The following DNAH12 variants were observed in gnomAD, a reference collection of about 807,000 sequenced individuals.
The protein encoded by DNAH12 is axonemal beta dynein heavy chain 12.
A neutral mutation model predicts 371.5 loss-of-function variants in DNAH12; 285 were observed. The observed-to-expected ratio is 0.77, with a 90% confidence interval of 0.70 to 0.85. DNAH12 has a LOEUF of 0.85. DNAH12 is among the 40% of genes least tolerant of loss of function. The pLI is 0.00. For synonymous variants in DNAH12, 1,200 were observed against 1,213.0 expected, an observed-to-expected ratio of 0.99 and a Z score of 0.22; for missense variants, 3,611 against 3,689.4, an observed-to-expected ratio of 0.98 and a Z score of 0.55.
chr3:57,318,705 A>AT lies in DNAH12; in HGVS notation c.10524+3637dup, dbSNP rs202015856. On this transcript the variant is annotated intron_variant, in intron 65 of 73. Transcript: ENST00000495027. The stretch of plus-strand genomic sequence containing the variant: ...GTAAGTATAATGCAAATATTCCAAA[A>AT]TTAAAAAAAAAAATCCCAAGCATTC... Among the ~76,000 whole-genome samples, 444 of 132,834 alleles carry AT rather than the reference A, an allele frequency of 3.3e-3. 2 individuals carry two copies. The highest frequency in any genetic ancestry group is 0.013 in the African/African-American group (417 of 32,252). The allele number at this position is 132,834 out of a possible 152,430, so 87.1% of individuals were successfully genotyped here.
chr3:57,504,252 TTAAC>T (rs2067667286), intron 8 of DNAH12, 48 bp from the exon 9 acceptor site: 4 of 1,511,898 alleles, frequency 2.6e-6, no homozygotes, highest in Middle Eastern at 2.0e-4. Context: ...AATTCAACCT[TTAAC>T]TAAAATCAGT....
At chr3:57,326,202 C>A (rs908673746) in intron 62 of DNAH12, among the ~76,000 whole-genome samples, 1 of 151,800 alleles carries the variant, frequency 6.6e-6, no homozygotes, top group African/African-American at 2.4e-5. Flanking sequence ...TCAGGAAATA[C>A]AGAGAATGCC....
intron 60 of DNAH12, among the ~76,000 whole-genome samples, chr3:57,341,462 G>A (rs1483959925): frequency 6.6e-6 from 1 of 151,922 alleles, no homozygotes; most frequent in Non-Finnish European, 1.5e-5. Flanking sequence ...CAATGAACTA[G>A]CTGGAAAAGA....
At chr3:57,301,698 ACAC>A in intron 70 of DNAH12, 34 bp downstream of exon 70, 1 of 1,443,128 alleles carries the variant, frequency 6.9e-7, no homozygotes, top group Non-Finnish European at 9.5e-7. Context: ...ACACACACAC[ACAC>A]ACACACACAC....
chr3:57,371,691 A>AC (rs2063173977), intron 55 of DNAH12, among the ~76,000 whole-genome samples: 11 of 150,972 alleles, frequency 7.3e-5, no homozygotes, highest in African/African-American at 1.2e-4. Flanking sequence ...ACACACACAC[A>AC]AACACACGTG....
chr3:57,390,424 AATATAT>A (rs1159621191), intron 45 of DNAH12, among the ~76,000 whole-genome samples: 25 of 33,430 alleles, frequency 7.5e-4, no homozygotes, highest in African/African-American at 1.5e-3. Flanking sequence ...AAAAAAAAAA[AATATAT>A]ATATATATAT....
intron 39 of DNAH12, among the ~76,000 whole-genome samples, chr3:57,412,762 C>A (rs1261654210): frequency 6.6e-6 from 1 of 152,078 alleles, no homozygotes; most frequent in Non-Finnish European, 1.5e-5. Context: ...ATTAGAGTGG[C>A]CAAAATCTAG....
At position 57,328,605 on chromosome 3, in the gene DNAH12, T is replaced by C. The variant is rs2062008317; in HGVS notation, c.9979-4986A>G. Among the ~76,000 whole-genome samples, 4 of 151,384 alleles carry C rather than the reference T, an allele frequency of 2.6e-5. No homozygotes were observed. In the South Asian group the frequency reaches 8.4e-4, roughly 32 times the overall value. On this transcript the variant is annotated intron_variant, in intron 62 of 73. Transcript: ENST00000495027. ...CATGACAAACCCACAGCCAATATCA[T>C]ACTGAATGGGCAAAAACTGGAAGCA...
intron 29 of DNAH12, among the ~76,000 whole-genome samples, chr3:57,441,372 G>A (rs1327628526): frequency 2.6e-5 from 4 of 151,828 alleles, no homozygotes; most frequent in Non-Finnish European, 1.5e-5. Context: ...CAGAGAGAAA[G>A]TAATGAAAAA....
At chr3:57,344,939 C>T (rs146365471) in intron 60 of DNAH12, among the ~76,000 whole-genome samples, 6 of 152,050 alleles carry the variant, frequency 3.9e-5, no homozygotes, top group African/African-American at 1.4e-4. Context: ...GGTGCTGACC[C>T]CCCATGTGGT....
chr3:57,475,465 A>G (rs1242922372), intron 13 of DNAH12, among the ~76,000 whole-genome samples: 1 of 152,192 alleles, frequency 6.6e-6, no homozygotes, highest in Admixed American at 6.5e-5. Context: ...AAGTTAAATT[A>G]CAGAGTGAAT....
At chr3:57,450,250 T>TAA (rs58958877) in intron 25 of DNAH12, among the ~76,000 whole-genome samples, 3 of 98,598 alleles carry the variant, frequency 3.0e-5, no homozygotes, top group South Asian at 4.0e-4. Context: ...TGTCTCAATT[T>TAA]AAAAAAAAAA....
chr3:57,501,877 T>C (rs2067560198), intron 10 of DNAH12, among the ~76,000 whole-genome samples: 1 of 151,876 alleles, frequency 6.6e-6, no homozygotes, highest in South Asian at 2.1e-4. Flanking sequence ...ATGCACCCTT[T>C]GGACTGGACA....
intron 35 of DNAH12, among the ~76,000 whole-genome samples, chr3:57,424,682 AG>A (rs1214011588): frequency 1.3e-5 from 2 of 149,774 alleles, no homozygotes; most frequent in African/African-American, 4.9e-5. Context: ...AGGCTGAGGG[AG>A]GAGAATCACT....
intron 11 of DNAH12, among the ~76,000 whole-genome samples, chr3:57,496,363 T>G (rs114794637): frequency 6.6e-6 from 1 of 152,262 alleles, no homozygotes; most frequent in African/African-American, 2.4e-5. Context: ...AACATTGGGT[T>G]AATATTTGAA....
chr3:57,361,472 C>CATATATA lies in DNAH12; in HGVS notation c.9360+2121_9360+2122insTATATAT, dbSNP rs2062934913. On this transcript the variant is annotated intron_variant, in intron 58 of 73. Transcript: ENST00000495027. ...TATATATATATATATATATATATAT[C>CATATATA]TCATTCAGCTCTGTTAGGTGAATTT... is the stretch of plus-strand genomic sequence containing the variant. 3.4e-3 allele frequency among the ~76,000 whole-genome samples: 324 copies of CATATATA among 94,512 alleles called. 9 individuals are homozygous for CATATATA. The Middle Eastern group carries it at 0.035, about 10-fold the overall frequency. 62.0% of individuals were successfully genotyped at this position (94,512 alleles called of 152,430 possible). A position where few individuals can be genotyped will look rare whatever the true frequency, so the allele number is the denominator to read the frequency against.
chr3:57,548,614 G>A (rs182516179), upstream of DNAH12, among the ~76,000 whole-genome samples: 1 of 152,216 alleles, frequency 6.6e-6, no homozygotes, highest in East Asian at 1.9e-4. Context: ...ACTGAGGGGG[G>A]AGGATCACTT....
At chr3:57,355,923 A>T (rs1371959258) in intron 59 of DNAH12, among the ~76,000 whole-genome samples, 1 of 152,244 alleles carries the variant, frequency 6.6e-6, no homozygotes, top group Non-Finnish European at 1.5e-5. Context: ...AACACTTTAC[A>T]AAAATTATCT....
At chr3:57,366,341 CTAGCAGCCCTTGGGGCTGCTCTATG>C (rs1371870307) in intron 57 of DNAH12, among the ~76,000 whole-genome samples, 3 of 152,200 alleles carry the variant, frequency 2.0e-5, no homozygotes, top group South Asian at 4.1e-4. Context: ...AAATGGACGA[CTAGCAGCCCTTGGGGCTGCTCTATG>C]GAGCAGCCAT....
Sources: gnomAD v4.1 joint callset for allele counts (sites outside exome capture counted in the v4.1 genomes callset) on GRCh38, gnomAD v4.1.1 for gene constraint, MANE v1.5 for transcripts, NCBI Gene and HGNC (gene_info 2026-07-23, HGNC 2026-07-21) for gene names.